Variants in ATP10A observed in about 807,000 individuals in gnomAD.
ATP10A encodes phospholipid-transporting ATPase VA.
Under a neutral mutation model 147.8 loss-of-function variants are expected in ATP10A, and 111 were observed. That is an observed-to-expected ratio of 0.75 (90% CI 0.64 to 0.88). ATP10A has a LOEUF of 0.88. ATP10A is among the 40% of genes least tolerant of loss of function. ATP10A has a pLI of 0.00. For missense variants in ATP10A, 1,927 were observed against 1,959.0 expected (o/e 0.98, Z 0.31); for synonymous variants, 875 against 841.6 (o/e 1.04, Z -0.69).
At chr15:25,775,603 C>G (rs1261985926) in intron 2 of ATP10A, among the ~76,000 whole-genome samples, 1 of 152,256 alleles carries the variant, frequency 6.6e-6, no homozygotes, top group Non-Finnish European at 1.5e-5. Context: ...CACGTGCACA[C>G]ATGTGCACAC....
At chr15:25,730,377 C>T (rs1214467728) in intron 3 of ATP10A, among the ~76,000 whole-genome samples, 2 of 151,664 alleles carry the variant, frequency 1.3e-5, no homozygotes, top group African/African-American at 2.4e-5. Flanking sequence ...GAGTTTATTC[C>T]CTGCTCCCTC....
At chr15:25,860,642 T>C (rs11161245) in intron 1 of ATP10A, among the ~76,000 whole-genome samples, 67,912 of 151,614 alleles carry the variant, frequency 0.45, 18,241 homozygotes, top group East Asian at 0.59. Flanking sequence ...AGTTAAGATA[T>C]CTGGAGTCAA....
In ATP10A at chr15:25,862,651, C is replaced by A; in HGVS notation, c.446G>T (p.Ser149Ile). 6.3e-7 allele frequency: 1 copy of A among 1,576,904 alleles called. No individual in the cohort carries two copies. The highest frequency in any genetic ancestry group is 8.6e-7 in the Non-Finnish European group (1 of 1,159,772). Residue 149 changes from serine to isoleucine, a missense_variant, in exon 1 of 21, where the codon AGC becomes ATC. By Grantham distance (142) the Ser-to-Ile change is moderately radical. Transcript: ENST00000555815. ...CTCGCCCGCCCGCCCAACTCACCTGCTGAAGACCAGGCAGCCCAGGTGGTT... is the reference window on the plus strand; with the variant it reads ...CTCGCCCGCCCGCCCAACTCACCTGATGAAGACCAGGCAGCCCAGGTGGTT... ...KINHLGCLVFSREEKKYVNRF... is the reference protein window; with the variant it reads ...KINHLGCLVFIREEKKYVNRF...
chr15:25,776,001 A>G (rs573383429), intron 2 of ATP10A, among the ~76,000 whole-genome samples: 2 of 152,352 alleles, frequency 1.3e-5, no homozygotes, highest in African/African-American at 4.8e-5. Flanking sequence ...TGTAAGCACT[A>G]TGGCAGGAAA....
intron 2 of ATP10A, among the ~76,000 whole-genome samples, chr15:25,760,940 C>T (rs1253573393): frequency 6.6e-6 from 1 of 152,154 alleles, no homozygotes; most frequent in Non-Finnish European, 1.5e-5. Flanking sequence ...GAATGAAAGA[C>T]TAAGTCTTTG....
At chr15:25,708,697 T>C (rs570467160) in intron 10 of ATP10A, 97 of 174,708 alleles carry the variant, frequency 5.6e-4, no homozygotes, top group Non-Finnish European at 9.9e-4. Context: ...TCATTTGGCA[T>C]CCTTTTGCCC....
In ATP10A at chr15:25,694,915, A is replaced by C. The variant is rs1419281462; in HGVS notation, c.2992T>G (p.Cys998Gly). Residue 998 changes from cysteine (C) to glycine (G), a missense_variant, in exon 14 of 21, where the codon TGC becomes GGC. Cys to Gly is a radical substitution (Grantham distance 159, BLOSUM62 -3). Transcript: ENST00000555815. Reference protein sequence around the residue: ...EDKFLFLAKQCRSVLCCRSTP... With the variant: ...EDKFLFLAKQGRSVLCCRSTP... ...GACCGACAGCAGAGGACGGAGCGGC[A>C]CTGCTTGGCAAGGAAGAGGAATTTG... 14 of 1,614,170 alleles carry C rather than the reference A, an allele frequency of 8.7e-6. No individual in the cohort carries two copies. Among genetic ancestry groups the C allele is most frequent in the Non-Finnish European group, 1.2e-5 (14 of 1,180,032 alleles).
At chr15:25,854,472 A>G (rs1893423364) in intron 1 of ATP10A, among the ~76,000 whole-genome samples, 1 of 152,252 alleles carries the variant, frequency 6.6e-6, no homozygotes, top group Non-Finnish European at 1.5e-5. Context: ...TACAATAATT[A>G]CTACAGACTT....
Position 25,859,530 on chromosome 15 carries a change from G to A in ATP10A, c.449+3118C>T, listed in dbSNP as rs1198308223. ...CAGTGGACCACAGCTTAGTGACGCTGGGTGGGTGGCCCTTCCCCCCTGCAG... is the reference window on the plus strand; with the variant it reads ...CAGTGGACCACAGCTTAGTGACGCTAGGTGGGTGGCCCTTCCCCCCTGCAG... On this transcript the variant is annotated intron_variant, in intron 1 of 20. Coordinates refer to ENST00000555815, the MANE Select transcript of ATP10A (RefSeq NM_024490.4). Among the ~76,000 whole-genome samples the A allele has an allele frequency of 2.0e-5, 3 of 152,128 alleles. No homozygotes were observed. In the East Asian group the frequency reaches 5.8e-4, roughly 29 times the overall value.
rs970393900 is a variant in ATP10A, at chr15:25,714,119, G to T, written c.1899C>A (p.Ser633=). The T allele has an allele frequency of 3.7e-6, 6 of 1,612,952 alleles. No homozygotes were observed. In the Admixed American group the frequency reaches 5.0e-5, roughly 13 times the overall value. Reference sequence around the variant, plus strand: ...GGAAGCTGGAGCCCAACTTGTGGCTGGACTTGTTGGCGGCCAGGCTCCCGA... The same window carrying T: ...GGAAGCTGGAGCCCAACTTGTGGCTTGACTTGTTGGCGGCCAGGCTCCCGA... ...SSIGSLAANK[S]SHKLGSSFPS... The change falls in exon 10 of 21, where the codon TCC becomes TCA. Residue 633 remains serine (S), a synonymous_variant. Transcript: ENST00000555815.
At chr15:25,803,191 C>T (rs1428989199) in intron 1 of ATP10A, among the ~76,000 whole-genome samples, 1 of 152,222 alleles carries the variant, frequency 6.6e-6, no homozygotes, top group African/African-American at 2.4e-5. Flanking sequence ...GCCAGTGACA[C>T]TGGTCTGTGC....
At chr15:25,825,727 G>GA (rs1168465166) in intron 1 of ATP10A, among the ~76,000 whole-genome samples, 1 of 151,880 alleles carries the variant, frequency 6.6e-6, no homozygotes, top group Non-Finnish European at 1.5e-5. Flanking sequence ...ACCCTGGGGA[G>GA]AAAAAAAGAA....
intron 2 of ATP10A, among the ~76,000 whole-genome samples, chr15:25,772,301 C>G (rs1889379190): frequency 6.6e-6 from 1 of 152,148 alleles, no homozygotes; most frequent in South Asian, 2.1e-4. Flanking sequence ...CCCCACCCAC[C>G]CACCAGGCCC....
In ATP10A at chr15:25,726,088, G is replaced by T; in HGVS notation, c.848-6C>A. Reference sequence around the variant, plus strand: ...CAGAGCCTTGGTTTCATGTCCTGTCGGGGAGGACAAAGAGACATGGCAAGT... The same window carrying T: ...CAGAGCCTTGGTTTCATGTCCTGTCTGGGAGGACAAAGAGACATGGCAAGT... On this transcript the variant is annotated splice_region_variant and splice_polypyrimidine_tract_variant and intron_variant, in intron 4 of 20. Coordinates refer to ENST00000555815, the MANE Select transcript of ATP10A (RefSeq NM_024490.4). 6.2e-7 allele frequency: 1 copy of T among 1,612,848 alleles called. No individual in the cohort carries two copies. The highest frequency in any genetic ancestry group is 8.5e-7 in the Non-Finnish European group (1 of 1,179,178).
rs1161067859 is a variant in ATP10A at position 25,680,794 on chromosome 15, T to C, written c.3678+16A>G. On this transcript the variant is annotated intron_variant, in intron 19 of 20. Transcript: ENST00000555815. ...TCAGTGCTCTTCTGAGACGTGGCCA[T>C]GCAGGCGGCTCTTACCCAGGTTTTG... 8.1e-6 allele frequency: 13 copies of C among 1,603,876 alleles called. No individual in the cohort carries two copies. The highest frequency in any genetic ancestry group is 4.0e-5 in the African/African-American group (3 of 74,622).
At position 25,862,905 on chromosome 15, in the gene ATP10A, G is replaced by A; in HGVS notation, c.192C>T (p.Leu64=). ...GCAQHLADNR[L]KTTKYTLLSF... is the part of the protein sequence containing the mutation. ...ACAGCAGCGTGTACTTGGTAGTCTT[G>A]AGCCGGTTGTCGGCCAGGTGCTGGG... Residue 64 remains leucine (L), a synonymous_variant, in exon 1 of 21, where the codon CTC becomes CTT. Coordinates refer to ENST00000555815, the MANE Select transcript of ATP10A (RefSeq NM_024490.4). 2.5e-6 allele frequency: 4 copies of A among 1,609,740 alleles called. No homozygotes were observed. Among genetic ancestry groups the A allele is most frequent in the Non-Finnish European group, 3.4e-6 (4 of 1,178,660 alleles).
intron 1 of ATP10A, among the ~76,000 whole-genome samples, chr15:25,858,904 A>G (rs199762358): frequency 6.6e-6 from 1 of 152,096 alleles, no homozygotes; most frequent in Non-Finnish European, 1.5e-5. Context: ...AAAAAAAAAG[A>G]TAACAATAGC....
At chr15:25,692,110 C>T (rs544459201) in intron 14 of ATP10A, among the ~76,000 whole-genome samples, 1 of 152,216 alleles carries the variant, frequency 6.6e-6, no homozygotes, top group African/African-American at 2.4e-5. Context: ...ATGCTATCAT[C>T]ATCTTCATCA....
At position 25,716,773 on chromosome 15, in the gene ATP10A, C is replaced by A; in HGVS notation, c.1733G>T (p.Cys578Phe). Residue 578 changes from cysteine to phenylalanine, a missense_variant, in exon 9 of 21, where the codon TGC (cysteine) becomes TTC (phenylalanine). Coordinates refer to ENST00000555815, the MANE Select transcript of ATP10A (RefSeq NM_024490.4). ...VFDFFIALTI[C>F]NTVVVTSPDQ... ...CGGGGACGTGACGACGACTGTGTTG[C>A]AGATGGTGAGTGCGATGAAGAAATC... 6.2e-7 allele frequency: 1 copy of A among 1,606,032 alleles called. No homozygotes were observed. Among genetic ancestry groups the A allele is most frequent in the Non-Finnish European group, 8.5e-7 (1 of 1,176,530 alleles).
Sources: allele counts gnomAD v4.1 joint callset (sites outside exome capture counted in the v4.1 genomes callset), GRCh38; gene constraint gnomAD v4.1.1; transcripts MANE v1.5; gene names NCBI Gene and HGNC (gene_info 2026-07-23, HGNC 2026-07-21).